AGBL1: variants seen among roughly 807,000 people sequenced by gnomAD.
AGBL1 encodes cytosolic carboxypeptidase 4.
In AGBL1, 130 loss-of-function variants were observed where a neutral mutation model predicts 118.9. The observed-to-expected ratio is 1.09, with a 90% CI of 0.95 to 1.26. The LOEUF is 1.26. Ranked by LOEUF, AGBL1 falls within the 50% of genes most tolerant of loss-of-function variation. The probability of loss-of-function intolerance (pLI) is 0.00; values close to 1 mark genes in which losing one functional copy is unlikely to be tolerated. For synonymous variants in AGBL1, 555 were observed against 478.9 expected (o/e 1.16, Z -2.08); for missense variants, 1,584 against 1,298.1 (o/e 1.22, Z -3.38).
At chr15:86,381,409 C>CA (rs1160414000) in intron 17 of AGBL1, among the ~76,000 whole-genome samples, 1 of 147,122 alleles carries the variant, frequency 6.8e-6, no homozygotes, top group Non-Finnish European at 1.5e-5. Context: ...GGAGCTGATA[C>CA]ACTTTTTTTT....
intron 1 of AGBL1, among the ~76,000 whole-genome samples, chr15:86,131,811 G>A (rs2076823179): frequency 6.6e-6 from 1 of 151,918 alleles, no homozygotes; most frequent in Non-Finnish European, 1.5e-5. Flanking sequence ...TGAGCAAGGT[G>A]TGGTGGTGCA....
intron 17 of AGBL1, among the ~76,000 whole-genome samples, chr15:86,332,276 G>C (rs2080282887): frequency 6.6e-6 from 1 of 152,152 alleles, no homozygotes; most frequent in African/African-American, 2.4e-5. Flanking sequence ...CCTATGAAAA[G>C]ACTTAGATGT....
At position 86,643,647 on chromosome 15, in the gene AGBL1, C is replaced by T. The variant is rs2085227946; in HGVS notation, c.2995-30626C>T. ...TCTATCTGCTGGTTTACATATTTTT[C>T]AGTAATTAGTTTGACATTTTTTAAA... On this transcript the variant is annotated intron_variant, in intron 21 of 22. Coordinates refer to ENST00000614907, the MANE Select transcript of AGBL1 (RefSeq NM_001386094.1). 2.0e-5 allele frequency among the ~76,000 whole-genome samples: 3 copies of T among 151,954 alleles called. No homozygotes were observed. In the South Asian group the frequency reaches 6.2e-4, roughly 32 times the overall value.
chr15:86,807,917 C>T (rs149727894), intron 22 of AGBL1, among the ~76,000 whole-genome samples: 15 of 152,222 alleles, frequency 9.9e-5, no homozygotes, highest in African/African-American at 3.1e-4. Flanking sequence ...CAGTTAGAGG[C>T]ATCAGAGTGT....
intron 5 of AGBL1, among the ~76,000 whole-genome samples, chr15:86,180,071 A>G (rs2077532016): frequency 6.6e-6 from 1 of 152,102 alleles, no homozygotes; most frequent in Non-Finnish European, 1.5e-5. Context: ...AGAGATAACT[A>G]GAGGTAATGG....
At chr15:86,817,939 G>C (rs942448295) in intron 22 of AGBL1, among the ~76,000 whole-genome samples, 1 of 152,140 alleles carries the variant, frequency 6.6e-6, no homozygotes, top group Admixed American at 6.5e-5. Context: ...TGTGACGATG[G>C]AGGCAGAGAT....
chr15:86,437,561 T>C (rs573064494), intron 18 of AGBL1, among the ~76,000 whole-genome samples: 1 of 152,296 alleles, frequency 6.6e-6, no homozygotes, highest in East Asian at 1.9e-4. Flanking sequence ...TTTCCCCAAC[T>C]CAGCTGGGTC....
At chr15:86,527,082 G>A (rs1017255706) in intron 19 of AGBL1, among the ~76,000 whole-genome samples, 1 of 152,160 alleles carries the variant, frequency 6.6e-6, no homozygotes, top group Admixed American at 6.5e-5. Flanking sequence ...AATCTTAGAA[G>A]GCACTGTAAT....
At chr15:86,733,903 C>A (rs1262693174) in intron 22 of AGBL1, among the ~76,000 whole-genome samples, 1 of 152,050 alleles carries the variant, frequency 6.6e-6, no homozygotes, top group Non-Finnish European at 1.5e-5. Flanking sequence ...TGCCTTCATA[C>A]ACTTACTGCT....
chr15:86,811,533 C>T (rs754524826), intron 22 of AGBL1, among the ~76,000 whole-genome samples: 1 of 152,128 alleles, frequency 6.6e-6, no homozygotes, highest in Admixed American at 6.6e-5. Context: ...TTTCTTTTCT[C>T]TTCCTGGCCC....
intron 21 of AGBL1, among the ~76,000 whole-genome samples, chr15:86,561,312 T>C (rs547926984): frequency 6.6e-6 from 1 of 152,380 alleles, no homozygotes; most frequent in Admixed American, 6.5e-5. Flanking sequence ...AAGTCTTTAA[T>C]CCATCTTGAA....
chr15:86,750,018 G>C (rs192897779), intron 22 of AGBL1, among the ~76,000 whole-genome samples: 1 of 152,190 alleles, frequency 6.6e-6, no homozygotes, highest in Admixed American at 6.5e-5. Flanking sequence ...GATGATGCTG[G>C]CCTCATAAAA....
intron 22 of AGBL1, among the ~76,000 whole-genome samples, chr15:86,812,002 C>T (rs1484000901): frequency 1.3e-5 from 2 of 152,176 alleles, no homozygotes; most frequent in Non-Finnish European, 2.9e-5. Context: ...GATCAATCAA[C>T]ATATAAGAAC....
At chr15:86,337,384 T>C (rs925507946) in intron 17 of AGBL1, among the ~76,000 whole-genome samples, 1 of 151,920 alleles carries the variant, frequency 6.6e-6, no homozygotes. Flanking sequence ...AGGAATGAGG[T>C]AGAAAGATGC....
At chr15:86,923,689 CT>C (rs2080503179) in intron 23 of AGBL1, among the ~76,000 whole-genome samples, 1 of 152,134 alleles carries the variant, frequency 6.6e-6, no homozygotes, top group South Asian at 2.1e-4. Context: ...AAGGTTATGT[CT>C]TTTTTATATC....
At chr15:86,200,373 T>C (rs925451283) in intron 5 of AGBL1, among the ~76,000 whole-genome samples, 1 of 152,218 alleles carries the variant, frequency 6.6e-6, no homozygotes, top group African/African-American at 2.4e-5. Flanking sequence ...GTCCACTTAA[T>C]CTTTAGCACC....
chr15:86,154,697 G>C (rs1051057616), intron 4 of AGBL1, 136 bp downstream of exon 4: 4 of 1,142,608 alleles, frequency 3.5e-6, no homozygotes, highest in Non-Finnish European at 3.5e-6. Flanking sequence ...ATAAATAAAA[G>C]AGACTGACAA....
At chr15:86,771,946 C>T (rs1421616074) in intron 22 of AGBL1, among the ~76,000 whole-genome samples, 2 of 151,826 alleles carry the variant, frequency 1.3e-5, no homozygotes, top group African/African-American at 2.4e-5. Flanking sequence ...CTGGGAGATA[C>T]GGAAGTTCTT....
In AGBL1 at chr15:86,159,274, A is replaced by G. The variant is rs141751903; in HGVS notation, c.488+248A>G. ...CTTTTTCAGACGAGCAAGTTAAAAT[A>G]TGTCGAGAGCCTTATCCAAGGTCCC... On this transcript the variant is annotated intron_variant, in intron 5 of 22. Coordinates refer to ENST00000614907, the MANE Select transcript of AGBL1 (RefSeq NM_001386094.1). Among the ~76,000 whole-genome samples, 92 of 152,268 alleles carry G rather than the reference A, an allele frequency of 6.0e-4. 2 individuals carry two copies. The East Asian group carries it at 0.016, about 26-fold the overall frequency.
Sources: allele counts gnomAD v4.1 joint callset (sites outside exome capture counted in the v4.1 genomes callset), GRCh38; gene constraint gnomAD v4.1.1; transcripts MANE v1.5; gene names NCBI Gene and HGNC (gene_info 2026-07-23, HGNC 2026-07-21).